ALK: variants seen among roughly 807,000 people sequenced by gnomAD.
The protein encoded by ALK is ALK receptor tyrosine kinase.
A neutral mutation model predicts 163.1 loss-of-function variants in ALK; 74 were observed. That is an observed-to-expected ratio of 0.45 (90% confidence interval 0.38 to 0.55). The LOEUF is 0.55. ALK is among the 20% of genes least tolerant of loss of function. The pLI, the probability that ALK is intolerant of heterozygous loss-of-function variation, is 0.00. For synonymous variants in ALK, 960 were observed against 843.2 expected, an observed-to-expected ratio of 1.14 and a Z score of -2.40; for missense variants, 2,063 against 2,105.3, an observed-to-expected ratio of 0.98 and a Z score of 0.39.
chr2:29,499,066 C>T (rs1038217736), intron 4 of ALK, among the ~76,000 whole-genome samples: 2 of 152,184 alleles, frequency 1.3e-5, no homozygotes, highest in African/African-American at 2.4e-5. Context: ...TGGAATGAGA[C>T]CTGTGGTGGC....
chr2:29,653,869 C>A (rs1677102275), intron 3 of ALK, among the ~76,000 whole-genome samples: 1 of 152,128 alleles, frequency 6.6e-6, no homozygotes, highest in African/African-American at 2.4e-5. Flanking sequence ...CAAGACCAGC[C>A]TGTCCAACAT....
chr2:29,687,532 A>AT (rs1678273939), intron 3 of ALK, among the ~76,000 whole-genome samples: 2 of 152,064 alleles, frequency 1.3e-5, no homozygotes, highest in South Asian at 4.1e-4. Context: ...ATTCCTTTGT[A>AT]TTAAAAAAAA....
intron 1 of ALK, among the ~76,000 whole-genome samples, chr2:29,788,633 A>T (rs6547975): frequency 0.98 from 149,248 of 152,146 alleles, 73,259 homozygotes; most frequent in Non-Finnish European, 1. Flanking sequence ...TAGCAAAGAG[A>T]CTCAAAGAAC....
intron 4 of ALK, among the ~76,000 whole-genome samples, chr2:29,389,398 G>A (rs1573308884): frequency 6.6e-6 from 1 of 152,206 alleles, no homozygotes; most frequent in Admixed American, 6.5e-5. Context: ...TGCAGAAAGA[G>A]AGACTGGCAT....
chr2:29,657,281 T>A (rs566030262), intron 3 of ALK, among the ~76,000 whole-genome samples: 96 of 152,278 alleles, frequency 6.3e-4, no homozygotes, highest in African/African-American at 2.3e-3. Flanking sequence ...GAAAGACCAC[T>A]TGACTCAGAG....
At chr2:29,308,631 G>T (rs1666600357) in intron 8 of ALK, among the ~76,000 whole-genome samples, 1 of 152,198 alleles carries the variant, frequency 6.6e-6, no homozygotes, top group South Asian at 2.1e-4. Flanking sequence ...AGAAAGAATG[G>T]TCTATTTTTT....
At chr2:29,515,537 A>G (rs994440075) in intron 4 of ALK, among the ~76,000 whole-genome samples, 3 of 152,028 alleles carry the variant, frequency 2.0e-5, no homozygotes, top group African/African-American at 4.8e-5. Context: ...GGGGTGATCC[A>G]TGGGGTAAGA....
intron 1 of ALK, among the ~76,000 whole-genome samples, chr2:29,823,849 G>T (rs1247319161): frequency 3.3e-5 from 5 of 152,330 alleles, no homozygotes; most frequent in Admixed American, 6.5e-5. Flanking sequence ...ATTCAAGCCA[G>T]CTGTAGAAAT....
chr2:29,458,607 T>G (rs1056637611), intron 4 of ALK, among the ~76,000 whole-genome samples: 6 of 152,172 alleles, frequency 3.9e-5, no homozygotes, highest in African/African-American at 1.4e-4. Flanking sequence ...AATTTCCTAT[T>G]GTTCCCTGTG....
At chr2:29,249,735 A>C (rs1175345666) in intron 12 of ALK, among the ~76,000 whole-genome samples, 2 of 152,232 alleles carry the variant, frequency 1.3e-5, no homozygotes, top group East Asian at 3.9e-4. Flanking sequence ...CCTCCTCTCC[A>C]GGAGTCCTTT....
At chr2:29,711,445 AG>A (rs1242149233) in intron 2 of ALK, among the ~76,000 whole-genome samples, 1 of 152,194 alleles carries the variant, frequency 6.6e-6, no homozygotes, top group Admixed American at 6.5e-5. Flanking sequence ...GTCAAAGAGC[AG>A]GTATGCTTAC....
chr2:29,885,861 T>C (rs981190121), intron 1 of ALK, among the ~76,000 whole-genome samples: 1 of 152,180 alleles, frequency 6.6e-6, no homozygotes, highest in Admixed American at 6.5e-5. Context: ...GAAGAAGAAT[T>C]GATATTGTAT....
intron 3 of ALK, among the ~76,000 whole-genome samples, chr2:29,619,118 G>C (rs575127751): frequency 1.3e-5 from 2 of 152,290 alleles, no homozygotes; most frequent in South Asian, 4.1e-4. Flanking sequence ...TTTAGATGAG[G>C]TTAAATATTT....
intron 2 of ALK, among the ~76,000 whole-genome samples, chr2:29,708,485 G>C (rs1004679783): frequency 3.9e-5 from 6 of 152,144 alleles, no homozygotes; most frequent in African/African-American, 7.2e-5. Context: ...TGCTCTCCAA[G>C]TGACTATGAG....
intron 3 of ALK, among the ~76,000 whole-genome samples, chr2:29,632,384 AT>A (rs2148237930): frequency 6.6e-6 from 1 of 152,306 alleles, no homozygotes; most frequent in East Asian, 1.9e-4. Context: ...TTAAGAGGTA[AT>A]TAAGGTTACA....
rs555209567 is a variant in ALK, at chr2:29,846,634, C to T, written c.667+73359G>A. Among the ~76,000 whole-genome samples, 80 of 152,268 alleles carry T rather than the reference C, an allele frequency of 5.3e-4. 1 individual carries two copies. The highest frequency in any genetic ancestry group is 6.8e-3 in the Middle Eastern group (2 of 294). On this transcript the variant is annotated intron_variant, in intron 1 of 28. Transcript: ENST00000389048. ...CTGTACCAAAGTCCACCTCCTCCCC[C>T]GGGCATTGAAAGATTTTTCAAACTG...
At chr2:29,782,667 G>T (rs1663867105) in intron 1 of ALK, among the ~76,000 whole-genome samples, 2 of 152,052 alleles carry the variant, frequency 1.3e-5, no homozygotes, top group Non-Finnish European at 2.9e-5. Context: ...TGAAAGCCAG[G>T]ACCTAATTTC....
rs60429543 is a variant in ALK at position 29,571,602 on chromosome 2, C to CTTT, written c.953-39489_953-39487dup. Among the ~76,000 whole-genome samples the CTTT allele has an allele frequency of 1.3e-3, 86 of 68,518 alleles. 2 individuals are homozygous for CTTT. The highest frequency in any genetic ancestry group is 1.8e-3 in the African/African-American group (25 of 13,632). 45.0% of individuals were successfully genotyped at this position (68,518 alleles called of 152,430 possible). A position where few individuals can be genotyped will look rare whatever the true frequency, so the allele number is the denominator to read the frequency against. On this transcript the variant is annotated intron_variant, in intron 3 of 28. Transcript: ENST00000389048. ...TAAATTACCTAGTCTTGGCTCATATCTTTTTTTTTTTTTTTTTTTTTTTTT... is the reference window on the plus strand; with the variant it reads ...TAAATTACCTAGTCTTGGCTCATATCTTTTTTTTTTTTTTTTTTTTTTTTTTTT...
chr2:29,794,928 C>T (rs1370891083), intron 1 of ALK, among the ~76,000 whole-genome samples: 2 of 152,014 alleles, frequency 1.3e-5, no homozygotes, highest in Non-Finnish European at 2.9e-5. Context: ...AGACTCTTTC[C>T]AAGCAGAGTC....
Sources: allele counts gnomAD v4.1 joint callset (sites outside exome capture counted in the v4.1 genomes callset), GRCh38; gene constraint gnomAD v4.1.1; transcripts MANE v1.5; gene names NCBI Gene and HGNC (gene_info 2026-07-23, HGNC 2026-07-21).